FTO: variants seen among roughly 807,000 people sequenced by gnomAD.
The protein encoded by FTO is alpha-ketoglutarate-dependent dioxygenase FTO.
A neutral mutation model predicts 63.9 loss-of-function variants in FTO; 47 were observed. That is an observed-to-expected ratio of 0.74 (90% confidence interval 0.58 to 0.94). FTO has a LOEUF of 0.94. Ranked by LOEUF, FTO falls within the 40% of genes least tolerant of loss-of-function variation. The pLI is 0.00. For synonymous variants in FTO, 207 were observed against 224.4 expected (o/e 0.92, Z 0.69); for missense variants, 562 against 618.1 (o/e 0.91, Z 0.96).
chr16:53,895,784 G>A (rs2081265607), intron 7 of FTO, among the ~76,000 whole-genome samples: 1 of 152,166 alleles, frequency 6.6e-6, no homozygotes, highest in South Asian at 2.1e-4. Context: ...TAGTGCCTCT[G>A]CTCTGCACAC....
chr16:54,081,269 C>A (rs78444140), intron 8 of FTO, among the ~76,000 whole-genome samples: 2 of 152,176 alleles, frequency 1.3e-5, no homozygotes, highest in East Asian at 1.9e-4. Flanking sequence ...TACAGCCCTA[C>A]CCCCTTTCCA....
chr16:54,065,892 A>G (rs1076470), intron 8 of FTO, among the ~76,000 whole-genome samples: 7,278 of 152,280 alleles, frequency 0.048, 220 homozygotes, highest in South Asian at 0.15. Context: ...ACTTTAGTAT[A>G]TTTGGAACCC....
intron 1 of FTO, among the ~76,000 whole-genome samples, chr16:53,801,014 A>G (rs1734928613): frequency 6.6e-6 from 1 of 152,052 alleles, no homozygotes; most frequent in African/African-American, 2.4e-5. Flanking sequence ...TTTATAGGCA[A>G]CCTATGGTTG....
At chr16:53,894,040 A>G (rs2081218879) in intron 7 of FTO, among the ~76,000 whole-genome samples, 1 of 152,218 alleles carries the variant, frequency 6.6e-6, no homozygotes, top group South Asian at 2.1e-4. Context: ...CTATCCATTT[A>G]TGTTAAAATT....
At chr16:53,788,897 C>G (rs2077823083) in intron 1 of FTO, among the ~76,000 whole-genome samples, 1 of 152,030 alleles carries the variant, frequency 6.6e-6, no homozygotes, top group South Asian at 2.1e-4. Context: ...TAACCAAGTG[C>G]CAAATTTCAT....
chr16:53,856,223 G>A (rs1247577007), intron 4 of FTO, among the ~76,000 whole-genome samples: 3 of 151,986 alleles, frequency 2.0e-5, no homozygotes, highest in African/African-American at 4.8e-5. Flanking sequence ...TTGAAGGTTC[G>A]AATTTAGGAC....
At chr16:53,949,401 T>G (rs2082719860) in intron 8 of FTO, among the ~76,000 whole-genome samples, 1 of 152,198 alleles carries the variant, frequency 6.6e-6, no homozygotes, top group South Asian at 2.1e-4. Flanking sequence ...TGTAAAAATA[T>G]TTTTTCCTTT....
intron 8 of FTO, among the ~76,000 whole-genome samples, chr16:54,064,289 T>G (rs2085666282): frequency 6.6e-6 from 1 of 152,226 alleles, no homozygotes; most frequent in Admixed American, 6.5e-5. Context: ...TCCAAAGCCC[T>G]GGGGTCTATT....
intron 8 of FTO, among the ~76,000 whole-genome samples, chr16:54,009,858 T>A (rs974567422): frequency 6.6e-6 from 1 of 152,164 alleles, no homozygotes; most frequent in East Asian, 1.9e-4. Flanking sequence ...CCTCAGTGCT[T>A]TGTGGCAAAA....
At chr16:54,101,228 C>T (rs576298695) in intron 8 of FTO, among the ~76,000 whole-genome samples, 6 of 152,068 alleles carry the variant, frequency 3.9e-5, no homozygotes, top group African/African-American at 1.4e-4. Context: ...TTTCATCACC[C>T]GGTTATTAAG....
At chr16:53,957,532 A>T (rs920535905) in intron 8 of FTO, among the ~76,000 whole-genome samples, 24 of 152,202 alleles carry the variant, frequency 1.6e-4, no homozygotes, top group Admixed American at 7.9e-4. Context: ...TACTGCTGGC[A>T]TTGTATTTGA....
intron 8 of FTO, among the ~76,000 whole-genome samples, chr16:54,017,616 G>A (rs1327539533): frequency 6.6e-6 from 1 of 151,736 alleles, no homozygotes; most frequent in African/African-American, 2.4e-5. Flanking sequence ...GGCTTCTTTC[G>A]GTGATGGCAC....
intron 1 of FTO, among the ~76,000 whole-genome samples, chr16:53,759,819 C>T (rs567038779): frequency 1.4e-4 from 21 of 151,992 alleles, no homozygotes; most frequent in African/African-American, 4.1e-4. Context: ...AAAAATGATC[C>T]CACTATGGCA....
intron 7 of FTO, among the ~76,000 whole-genome samples, chr16:53,906,433 G>A (rs988368359): frequency 1.3e-5 from 2 of 152,166 alleles, no homozygotes; most frequent in Admixed American, 6.5e-5. Context: ...CACTTTAAAC[G>A]AACAGAGAGG....
intron 7 of FTO, among the ~76,000 whole-genome samples, chr16:53,915,932 T>C (rs1384602310): frequency 1.3e-5 from 2 of 152,192 alleles, no homozygotes; most frequent in Non-Finnish European, 2.9e-5. Context: ...AAGTCAGAGT[T>C]AAGTAGGAAT....
intron 8 of FTO, among the ~76,000 whole-genome samples, chr16:54,058,874 TGTG>T (rs1488958292): frequency 6.6e-5 from 10 of 152,148 alleles, no homozygotes; most frequent in South Asian, 2.1e-4. Context: ...CTATTTTTGT[TGTG>T]GTGGTGGTTG....
intron 1 of FTO, among the ~76,000 whole-genome samples, chr16:53,750,402 G>A (rs954078573): frequency 6.6e-5 from 10 of 151,736 alleles, no homozygotes; most frequent in East Asian, 3.9e-4. Flanking sequence ...CACACCTGGC[G>A]AATTTTTTGT....
intron 8 of FTO, among the ~76,000 whole-genome samples, chr16:53,935,373 CA>C (rs1346108300): frequency 6.6e-6 from 1 of 152,078 alleles, no homozygotes; most frequent in Non-Finnish European, 1.5e-5. Flanking sequence ...GAGCATTTTC[CA>C]AGAAAGGAGA....
At chr16:53,728,932 T>G (rs1043888840) in intron 1 of FTO, among the ~76,000 whole-genome samples, 8 of 151,668 alleles carry the variant, frequency 5.3e-5, no homozygotes, top group Admixed American at 5.2e-4. Context: ...TGGTTTTTTT[T>G]TTTGTATTTT....
Sources: gnomAD v4.1 joint callset for allele counts (sites outside exome capture counted in the v4.1 genomes callset) on GRCh38, gnomAD v4.1.1 for gene constraint, MANE v1.5 for transcripts, NCBI Gene and HGNC (gene_info 2026-07-23, HGNC 2026-07-21) for gene names.